Variants in SEL1L observed in about 807,000 individuals in gnomAD.
SEL1L encodes the protein protein sel-1 homolog 1.
SEL1L carries 52 observed loss-of-function variants against 109.8 expected under a neutral mutation model. The observed-to-expected ratio is 0.47, with a 90% CI of 0.38 to 0.60. SEL1L has a LOEUF of 0.60. Ranked by LOEUF, SEL1L falls within the 20% of genes least tolerant of loss-of-function variation. SEL1L has a pLI of 0.00. For synonymous variants in SEL1L, 373 were observed against 339.6 expected (o/e 1.10, Z -1.08); for missense variants, 749 against 962.2 (o/e 0.78, Z 2.93).
At chr14:81,508,298 C>A (rs116582260) in intron 3 of SEL1L, among the ~76,000 whole-genome samples, 1 of 152,034 alleles carries the variant, frequency 6.6e-6, no homozygotes, top group African/African-American at 2.4e-5. Context: ...TTTACCTTTG[C>A]TTTGTCTATG....
Position 81,500,529 on chromosome 14 carries a change from C to A in SEL1L, c.778-867G>T, listed in dbSNP as rs73344173. ...GGGATTACAGGCATGAGCCACCACG[C>A]CCAGCCAAATGTAACTTTAAACAAG... On this transcript the variant is annotated intron_variant, in intron 6 of 20. Coordinates refer to ENST00000336735, the MANE Select transcript of SEL1L (RefSeq NM_005065.6). Among the ~76,000 whole-genome samples the A allele has an allele frequency of 2.6e-3, 402 of 152,280 alleles. 1 individual carries two copies. The highest frequency in any genetic ancestry group is 9.3e-3 in the African/African-American group (385 of 41,550).
chr14:81,509,878 G>A (rs1884392586), intron 3 of SEL1L, among the ~76,000 whole-genome samples: 1 of 152,148 alleles, frequency 6.6e-6, no homozygotes, highest in African/African-American at 2.4e-5. Context: ...GAGAATACTT[G>A]TACAGTATCC....
intron 4 of SEL1L, among the ~76,000 whole-genome samples, chr14:81,504,522 T>C (rs1391759107): frequency 1.3e-5 from 2 of 151,992 alleles, no homozygotes; most frequent in Admixed American, 6.6e-5. Context: ...TAAAATTCAC[T>C]GAAATCACTT....
chr14:81,492,583 T>G (rs903775115), intron 11 of SEL1L, 35 bp from the exon 12 acceptor site: 13 of 1,416,600 alleles, frequency 9.2e-6, no homozygotes, highest in Non-Finnish European at 1.3e-5. Flanking sequence ...TAATTAGTTT[T>G]TAACAGAATC....
At chr14:81,510,603 A>G (rs773512187) in intron 3 of SEL1L, among the ~76,000 whole-genome samples, 6 of 151,878 alleles carry the variant, frequency 4.0e-5, no homozygotes, top group African/African-American at 1.5e-4. Flanking sequence ...ACAGAAAACT[A>G]AAAGTTAATT....
chr14:81,499,879 A>G (rs115363358), intron 6 of SEL1L, among the ~76,000 whole-genome samples: 1 of 151,596 alleles, frequency 6.6e-6, no homozygotes, highest in African/African-American at 2.4e-5. Context: ...GCATTATTTT[A>G]AAAAAAATTT....
intron 1 of SEL1L, 94 bp downstream of exon 1, chr14:81,533,581 G>C (rs900939587): frequency 3.4e-6 from 4 of 1,192,862 alleles, no homozygotes; most frequent in Non-Finnish European, 4.8e-6. Flanking sequence ...CAGGGAGAAC[G>C]GGGTCCCGAG....
At chr14:81,494,874 G>GC (rs1883680981) in intron 11 of SEL1L, among the ~76,000 whole-genome samples, 1 of 152,226 alleles carries the variant, frequency 6.6e-6, no homozygotes, top group South Asian at 2.1e-4. Context: ...ATTGCATGGT[G>GC]AATGCCTAGC....
chr14:81,522,320 C>G (rs561085905), intron 3 of SEL1L, among the ~76,000 whole-genome samples: 1 of 152,330 alleles, frequency 6.6e-6, no homozygotes, highest in South Asian at 2.1e-4. Flanking sequence ...TAACCACTCA[C>G]TCACAGACTC....
chr14:81,477,867 G>A (rs1306252270), intron 20 of SEL1L, among the ~76,000 whole-genome samples: 1 of 152,136 alleles, frequency 6.6e-6, no homozygotes, highest in African/African-American at 2.4e-5. Flanking sequence ...TTAGTATCTT[G>A]GCACAGCGAA....
At chr14:81,522,411 C>T (rs909898372) in intron 3 of SEL1L, among the ~76,000 whole-genome samples, 1 of 152,094 alleles carries the variant, frequency 6.6e-6, no homozygotes, top group African/African-American at 2.4e-5. Flanking sequence ...ATCTTTTATA[C>T]CATATTTTTA....
Position 81,476,801 on chromosome 14 carries a change from A to G in SEL1L, c.*171T>C. On this transcript the variant is annotated 3_prime_UTR_variant, in exon 21 of 21. Coordinates refer to ENST00000336735, the MANE Select transcript of SEL1L (RefSeq NM_005065.6). ...AGCTCAGTTTAGGTAAGAGTTACTT[A>G]TCCCTGAAAATAAAGGCATCAGATT... 1.6e-6 allele frequency: 1 copy of G among 620,542 alleles called. No individual in the cohort carries two copies. The highest frequency in any genetic ancestry group is 2.8e-5 in the East Asian group (1 of 36,214). 38.4% of individuals were successfully genotyped at this position (620,542 alleles called of 1,614,324 possible).
At chr14:81,483,931 A>G (rs1227482070) in intron 19 of SEL1L, among the ~76,000 whole-genome samples, 2 of 152,246 alleles carry the variant, frequency 1.3e-5, no homozygotes, top group Non-Finnish European at 2.9e-5. Context: ...TTGGCTGACG[A>G]TGGACAGATA....
At chr14:81,496,680 C>T (rs1480836553) in intron 10 of SEL1L, among the ~76,000 whole-genome samples, 1 of 152,098 alleles carries the variant, frequency 6.6e-6, no homozygotes, top group African/African-American at 2.4e-5. Context: ...GCGGAGGTTG[C>T]AGCGAGCTGA....
chr14:81,482,259 T>C (rs1835865025), intron 19 of SEL1L, among the ~76,000 whole-genome samples: 1 of 152,204 alleles, frequency 6.6e-6, no homozygotes, highest in Admixed American at 6.5e-5. Context: ...TAAGCTATTA[T>C]AAAAACAGAT....
At position 81,484,413 on chromosome 14, in the gene SEL1L, A is replaced by G. The variant is rs1903455873; in HGVS notation, c.1874-16T>C. ...ACAGTATAGCCTTAAACAAAAGTTA[A>G]ATGCAGAACTGCCAATAAATAAAGT... On this transcript the variant is annotated splice_polypyrimidine_tract_variant and intron_variant, in intron 18 of 20. Transcript: ENST00000336735. The G allele has an allele frequency of 6.3e-7, 1 of 1,595,210 alleles. No homozygotes were observed.
intron 1 of SEL1L, among the ~76,000 whole-genome samples, chr14:81,528,905 G>A (rs1052736312): frequency 1.3e-5 from 2 of 152,094 alleles, no homozygotes; most frequent in East Asian, 3.8e-4. Context: ...AGACTAAGAA[G>A]TATAACCAAC....
At chr14:81,479,146 T>A (rs547473487) in intron 20 of SEL1L, 1 of 152,368 alleles carries the variant, frequency 6.6e-6, no homozygotes, top group Admixed American at 6.5e-5. Flanking sequence ...ATTCACGCTA[T>A]TTTTAGAGAA....
chr14:81,523,446 T>C (rs1397368884), intron 3 of SEL1L, among the ~76,000 whole-genome samples: 2 of 152,112 alleles, frequency 1.3e-5, no homozygotes, highest in African/African-American at 2.4e-5. Flanking sequence ...CCTTCTCCCA[T>C]ACCTTGCCCT....
Sources: gnomAD v4.1 joint callset for allele counts (sites outside exome capture counted in the v4.1 genomes callset) on GRCh38, gnomAD v4.1.1 for gene constraint, MANE v1.5 for transcripts, NCBI Gene and HGNC (gene_info 2026-07-23, HGNC 2026-07-21) for gene names.